ADARB2: variants seen among roughly 807,000 people sequenced by gnomAD.
ADARB2 encodes the protein inactive double-stranded RNA-specific editase B2.
ADARB2 carries 25 observed loss-of-function variants against 62.2 expected under a neutral mutation model. The observed-to-expected ratio is 0.40, with a 90% confidence interval of 0.29 to 0.56. The LOEUF (loss-of-function observed/expected upper bound fraction) is 0.56. Ranked by LOEUF, ADARB2 falls within the 20% of genes least tolerant of loss-of-function variation. The pLI is 0.43. For synonymous variants in ADARB2, 572 were observed against 500.8 expected (o/e 1.14, Z -1.90); for missense variants, 1,071 against 1,077.4 (o/e 0.99, Z 0.08).
chr10:1,660,935 AC>A (rs1172755401), intron 1 of ADARB2, among the ~76,000 whole-genome samples: 1 of 152,176 alleles, frequency 6.6e-6, no homozygotes, highest in East Asian at 1.9e-4. Context: ...TGTCAGCATG[AC>A]CAGAAACATT....
At chr10:1,460,862 AACGAACCT>A (rs879854604) in intron 1 of ADARB2, among the ~76,000 whole-genome samples, 18,402 of 135,052 alleles carry the variant, frequency 0.14, 3,875 homozygotes, top group Middle Eastern at 0.24. Context: ...TTACCTGTGT[AACGAACCT>A]GCCTGTGACC....
intron 2 of ADARB2, among the ~76,000 whole-genome samples, chr10:1,370,544 C>G (rs1588235378): frequency 6.8e-6 from 1 of 147,174 alleles, no homozygotes; most frequent in South Asian, 2.2e-4. Flanking sequence ...GTGTGTATAC[C>G]TAGGAAACCC....
intron 1 of ADARB2, among the ~76,000 whole-genome samples, chr10:1,612,203 T>C (rs1158060231): frequency 6.6e-6 from 1 of 152,214 alleles, no homozygotes; most frequent in Non-Finnish European, 1.5e-5. Flanking sequence ...CCTCGTCTTT[T>C]TCTGAGTTGT....
chr10:1,408,944 C>G (rs916527719), intron 1 of ADARB2, among the ~76,000 whole-genome samples: 1 of 152,156 alleles, frequency 6.6e-6, no homozygotes, highest in African/African-American at 2.4e-5. Context: ...CTGGGCTGGC[C>G]GGGTTGTGTT....
intron 2 of ADARB2, among the ~76,000 whole-genome samples, chr10:1,378,059 G>A (rs1052689266): frequency 6.6e-6 from 1 of 152,144 alleles, no homozygotes; most frequent in Non-Finnish European, 1.5e-5. Flanking sequence ...TGAAAAAGGA[G>A]CCATTTGCCA....
At chr10:1,465,836 G>T (rs1252993193) in intron 1 of ADARB2, among the ~76,000 whole-genome samples, 1 of 152,174 alleles carries the variant, frequency 6.6e-6, no homozygotes, top group Admixed American at 6.5e-5. Flanking sequence ...CCTCCCTCGG[G>T]CGGTCCTGGC....
intron 1 of ADARB2, among the ~76,000 whole-genome samples, chr10:1,603,572 G>A (rs1002413137): frequency 6.6e-6 from 1 of 152,082 alleles, no homozygotes; most frequent in Non-Finnish European, 1.5e-5. Context: ...GAGAGCACGA[G>A]GTGCCCAGTG....
intron 4 of ADARB2, among the ~76,000 whole-genome samples, chr10:1,263,867 A>T (rs1178030164): frequency 6.6e-6 from 1 of 152,204 alleles, no homozygotes; most frequent in Non-Finnish European, 1.5e-5. Flanking sequence ...GGGTGGAACA[A>T]ATGTCCAGTC....
intron 3 of ADARB2, among the ~76,000 whole-genome samples, chr10:1,355,811 A>G (rs1332437734): frequency 1.3e-5 from 2 of 152,256 alleles, no homozygotes; most frequent in African/African-American, 2.4e-5. Flanking sequence ...ATAAACATAC[A>G]TTGTGATTGC....
chr10:1,565,642 G>C (rs1458591404), intron 1 of ADARB2, among the ~76,000 whole-genome samples: 2 of 152,156 alleles, frequency 1.3e-5, no homozygotes. Flanking sequence ...TGGCCACCTA[G>C]AATAATTTAC....
chr10:1,265,617 C>T (rs1419744241), intron 4 of ADARB2, among the ~76,000 whole-genome samples: 4 of 122,426 alleles, frequency 3.3e-5, no homozygotes. Flanking sequence ...GAGAGGGGGG[C>T]CCAGGCTCTC....
At chr10:1,552,431 C>A (rs1832638935) in intron 1 of ADARB2, among the ~76,000 whole-genome samples, 1 of 152,236 alleles carries the variant, frequency 6.6e-6, no homozygotes, top group Admixed American at 6.5e-5. Flanking sequence ...CCAGTGCTCA[C>A]CCCAGGGGGC....
intron 6 of ADARB2, among the ~76,000 whole-genome samples, chr10:1,232,754 TATGTG>T (rs1362865355): frequency 1.3e-5 from 2 of 150,454 alleles, no homozygotes; most frequent in Non-Finnish European, 3.0e-5. Flanking sequence ...GTGTATGTGG[TATGTG>T]GTGTGTGTGG....
intron 1 of ADARB2, among the ~76,000 whole-genome samples, chr10:1,502,212 G>T (rs1232438106): frequency 6.6e-6 from 1 of 152,240 alleles, no homozygotes; most frequent in South Asian, 2.1e-4. Context: ...GGCCCCTCCT[G>T]CACCTGCTGC....
intron 8 of ADARB2, among the ~76,000 whole-genome samples, chr10:1,197,461 G>A (rs1836925263): frequency 6.6e-6 from 1 of 152,204 alleles, no homozygotes; most frequent in Non-Finnish European, 1.5e-5. Context: ...GTGAAACATG[G>A]ATGCCTGAAA....
At chr10:1,596,730 G>T (rs900827347) in intron 1 of ADARB2, among the ~76,000 whole-genome samples, 10 of 152,202 alleles carry the variant, frequency 6.6e-5, no homozygotes, top group African/African-American at 2.4e-4. Context: ...GAGCACAACC[G>T]GACAGAAGCA....
At chr10:1,373,587 G>A (rs1268277436) in intron 2 of ADARB2, among the ~76,000 whole-genome samples, 1 of 152,242 alleles carries the variant, frequency 6.6e-6, no homozygotes, top group African/African-American at 2.4e-5. Context: ...GGATGTGTGT[G>A]TGTGCATTTG....
intron 1 of ADARB2, among the ~76,000 whole-genome samples, chr10:1,503,946 T>G (rs141379661): frequency 8.7e-4 from 132 of 152,302 alleles, no homozygotes; most frequent in Non-Finnish European, 1.5e-3. Context: ...GTGAGCCATT[T>G]AAACCTCTTT....
chr10:1,359,673 G>A (rs1435891909), intron 3 of ADARB2, among the ~76,000 whole-genome samples: 1 of 152,128 alleles, frequency 6.6e-6, no homozygotes, highest in African/African-American at 2.4e-5. Context: ...CCTTTGGGAG[G>A]CCCTGCTTCC....
Sources: gnomAD v4.1 joint callset for allele counts (sites outside exome capture counted in the v4.1 genomes callset) on GRCh38, gnomAD v4.1.1 for gene constraint, MANE v1.5 for transcripts, NCBI Gene and HGNC (gene_info 2026-07-23, HGNC 2026-07-21) for gene names.